Variants in DOCK8 observed in about 807,000 individuals in gnomAD.
DOCK8 encodes dedicator of cytokinesis protein 8.
Under a neutral mutation model 245.6 loss-of-function variants are expected in DOCK8, and 141 were observed. The ratio of observed to expected loss-of-function variants is 0.57; its 90% CI spans 0.50 to 0.66. The LOEUF (loss-of-function observed/expected upper bound fraction) is 0.66. Among genes scored for constraint, DOCK8 ranks in the 30% least tolerant of loss-of-function variants. DOCK8 has a pLI of 0.00. For synonymous variants in DOCK8, 1,168 were observed against 970.2 expected (o/e 1.20, Z -3.79); for missense variants, 2,965 against 2,603.4 (o/e 1.14, Z -3.02).
intron 33 of DOCK8, among the ~76,000 whole-genome samples, chr9:422,453 C>T (rs1393477726): frequency 6.6e-6 from 1 of 152,078 alleles, no homozygotes; most frequent in East Asian, 1.9e-4. Context: ...GGACACGGTG[C>T]CTAGGACCGT....
intron 9 of DOCK8, 91 bp from the exon 10 acceptor site, chr9:332,307 A>AT (rs2051049930): frequency 3.4e-6 from 3 of 878,300 alleles, no homozygotes; most frequent in Non-Finnish European, 5.6e-6. Context: ...GTCATCAAAT[A>AT]TTGTCATAAA....
chr9:327,392 CTTT>C (rs548852247), intron 8 of DOCK8, among the ~76,000 whole-genome samples: 12 of 131,756 alleles, frequency 9.1e-5, no homozygotes, highest in Non-Finnish European at 1.3e-4. Context: ...TTTCCCTCAC[CTTT>C]TTTTTTTTTT....
intron 2 of DOCK8, 81 bp from the exon 3 acceptor site, chr9:286,380 A>C (rs2048823944): frequency 1.3e-6 from 2 of 1,523,576 alleles, no homozygotes. Context: ...AAGGAAAGCA[A>C]GGCAAACATC....
intron 14 of DOCK8, 158 bp downstream of exon 14, chr9:340,479 G>A: frequency 4.4e-6 from 4 of 915,544 alleles, no homozygotes; most frequent in South Asian, 3.0e-5. Flanking sequence ...AATTTAGCTG[G>A]GCATGGTGGT....
intron 43 of DOCK8, among the ~76,000 whole-genome samples, chr9:445,162 G>A (rs920869524): frequency 6.6e-6 from 1 of 152,234 alleles, no homozygotes; most frequent in Non-Finnish European, 1.5e-5. Flanking sequence ...CTGGGAGATG[G>A]AGTTGGCCGT....
In DOCK8 at chr9:286,485, C is replaced by A; in HGVS notation, c.181C>A (p.Pro61Thr). The A allele has an allele frequency of 6.2e-7, 1 of 1,613,944 alleles. No homozygotes were observed. Among genetic ancestry groups the A allele is most frequent in the Non-Finnish European group, 8.5e-7 (1 of 1,179,866 alleles). The change falls in exon 3 of 48, where the codon CCA becomes ACA. Residue 61 changes from proline (P) to threonine (T), a missense_variant. By Grantham distance (38) the Pro-to-Thr change is conservative. Transcript: ENST00000432829. ...QLPQFYDPVE[P>T]VDFEGLLMTH... ...GCCTCAGTTTTATGACCCTGTGGAG[C>A]CAGTGGACTTTGAAGGACTTCTGAT...
chr9:268,342 AGTTGT>A (rs1430461192), intron 1 of DOCK8: 2 of 152,238 alleles, frequency 1.3e-5, no homozygotes, highest in Admixed American at 1.3e-4. Flanking sequence ...AAAGAAGATT[AGTTGT>A]GTAGTTCTGA....
intron 8 of DOCK8, among the ~76,000 whole-genome samples, chr9:327,178 A>C (rs1391258635): frequency 6.6e-6 from 1 of 152,000 alleles, no homozygotes; most frequent in South Asian, 2.1e-4. Context: ...TCATACTCTA[A>C]TCTCTCCCTG....
intron 42 of DOCK8, 55 bp from the exon 43 acceptor site, chr9:443,372 A>G (rs1237925372): frequency 6.6e-7 from 1 of 1,516,194 alleles, no homozygotes; most frequent in Non-Finnish European, 9.2e-7. Context: ...CAAGAAGACA[A>G]AGAGTTGCAT....
At chr9:304,502 A>ATTAC in intron 4 of DOCK8, 79 bp from the exon 5 acceptor site, 2 of 1,585,134 alleles carry the variant, frequency 1.3e-6, no homozygotes, top group South Asian at 2.2e-5. Context: ...CACTTAAGCC[A>ATTAC]TTACTTTTAT....
chr9:459,045 T>TG (rs1207871467), intron 46 of DOCK8, among the ~76,000 whole-genome samples: 3 of 152,226 alleles, frequency 2.0e-5, no homozygotes, highest in Non-Finnish European at 4.4e-5. Context: ...AAAATACTTG[T>TG]GTTCGGTGAA....
intron 14 of DOCK8, among the ~76,000 whole-genome samples, chr9:352,967 G>C (rs116413310): frequency 9.3e-4 from 142 of 152,128 alleles, no homozygotes; most frequent in Middle Eastern, 3.4e-3. Flanking sequence ...CATATGCCTG[G>C]CAATACTCGT....
At chr9:257,837 A>G (rs149301075) in intron 1 of DOCK8, among the ~76,000 whole-genome samples, 7 of 152,050 alleles carry the variant, frequency 4.6e-5, no homozygotes, top group Admixed American at 3.9e-4. Context: ...GTGAAAACAC[A>G]GATAGCTGGG....
chr9:243,761 G>A (rs968013887), intron 1 of DOCK8, among the ~76,000 whole-genome samples: 1 of 152,026 alleles, frequency 6.6e-6, no homozygotes, highest in African/African-American at 2.4e-5. Flanking sequence ...ACCCAAATGT[G>A]TTTCTCAGAG....
At chr9:381,156 A>T (rs1425092000) in intron 21 of DOCK8, 1 of 152,112 alleles carries the variant, frequency 6.6e-6, no homozygotes, top group Non-Finnish European at 1.5e-5. Context: ...CGTTTTCAGG[A>T]CAATACAAAA....
At chr9:344,381 CTCCAG>C (rs1467022779) in intron 14 of DOCK8, among the ~76,000 whole-genome samples, 1 of 152,176 alleles carries the variant, frequency 6.6e-6, no homozygotes, top group Admixed American at 6.5e-5. Flanking sequence ...TAGTGTTCTT[CTCCAG>C]TCCTTGTGTG....
At chr9:444,036 T>C (rs957002391) in intron 43 of DOCK8, among the ~76,000 whole-genome samples, 1 of 152,140 alleles carries the variant, frequency 6.6e-6, no homozygotes, top group African/African-American at 2.4e-5. Flanking sequence ...ATTCCTTCCA[T>C]CCAAGTCCGG....
chr9:226,442 G>C (rs1406656884), intron 1 of DOCK8, among the ~76,000 whole-genome samples: 1 of 152,144 alleles, frequency 6.6e-6, no homozygotes, highest in Non-Finnish European at 1.5e-5. Flanking sequence ...TGACTTTTGT[G>C]TTTAAAAGAT....
At chr9:400,064 T>C (rs56372695) in intron 26 of DOCK8, among the ~76,000 whole-genome samples, 381 of 15,770 alleles carry the variant, frequency 0.024, no homozygotes, top group South Asian at 0.036. Context: ...ACCACCTCCT[T>C]CACCATCACC....
Sources: allele counts gnomAD v4.1 joint callset (sites outside exome capture counted in the v4.1 genomes callset), GRCh38; gene constraint gnomAD v4.1.1; transcripts MANE v1.5; gene names NCBI Gene and HGNC (gene_info 2026-07-23, HGNC 2026-07-21).